Variants in SETBP1 observed in about 807,000 individuals in gnomAD.
SETBP1 encodes SET-binding protein.
SETBP1 carries 9 observed loss-of-function variants against 101.0 expected under a neutral mutation model. That is an observed-to-expected ratio of 0.09 (90% CI 0.05 to 0.16). SETBP1 has a LOEUF of 0.16. Ranked by LOEUF, SETBP1 falls within the 10% of genes least tolerant of loss-of-function variation. The pLI is 1.00. For missense variants in SETBP1, 1,858 were observed against 2,033.8 expected, an observed-to-expected ratio of 0.91 and a Z score of 1.66; for synonymous variants, 818 against 788.5, an observed-to-expected ratio of 1.04 and a Z score of -0.63.
At position 44,782,770 on chromosome 18, in the gene SETBP1, A is replaced by G. The variant is rs75447259; in HGVS notation, c.486+80938A>G. On this transcript the variant is annotated intron_variant, in intron 2 of 5. Transcript: ENST00000649279. ...CAGTCTGGAACTTCCCCCAGCTTGT[A>G]TTCGCGGTGGGCATACACCACTAAC... Among the ~76,000 whole-genome samples, 992 of 152,270 alleles carry G rather than the reference A, an allele frequency of 6.5e-3. 11 individuals are homozygous for G. Among genetic ancestry groups the G allele is most frequent in the African/African-American group, 0.022 (933 of 41,544 alleles).
At chr18:44,990,854 G>T (rs1445273487) in intron 4 of SETBP1, among the ~76,000 whole-genome samples, 1 of 149,542 alleles carries the variant, frequency 6.7e-6, no homozygotes, top group Non-Finnish European at 1.5e-5. Flanking sequence ...ATTAAATTTG[G>T]GTTCTATAAT....
intron 2 of SETBP1, among the ~76,000 whole-genome samples, chr18:44,773,832 C>CTATGTGTGTGTG (rs1205706277): frequency 4.1e-5 from 2 of 48,416 alleles, no homozygotes; most frequent in Admixed American, 4.9e-4. Context: ...CTGTCTCTCT[C>CTATGTGTGTGTG]TGTTTATGTG....
At chr18:44,785,195 G>A (rs1409601122) in intron 2 of SETBP1, among the ~76,000 whole-genome samples, 1 of 152,124 alleles carries the variant, frequency 6.6e-6, no homozygotes, top group African/African-American at 2.4e-5. Flanking sequence ...ACAGTGACAG[G>A]TGACAGGCCA....
chr18:44,783,023 A>T (rs528720400), intron 2 of SETBP1, among the ~76,000 whole-genome samples: 1 of 152,160 alleles, frequency 6.6e-6, no homozygotes, highest in Non-Finnish European at 1.5e-5. Context: ...TGAAGTCTGA[A>T]TATCTAGATT....
intron 4 of SETBP1, among the ~76,000 whole-genome samples, chr18:44,964,229 C>A (rs1317389937): frequency 6.6e-6 from 1 of 152,200 alleles, no homozygotes; most frequent in Non-Finnish European, 1.5e-5. Flanking sequence ...ATTCTAATCA[C>A]AGTTTTAAAA....
chr18:44,966,617 G>A (rs1016446712), intron 4 of SETBP1, among the ~76,000 whole-genome samples: 13 of 152,252 alleles, frequency 8.5e-5, no homozygotes, highest in African/African-American at 3.1e-4. Context: ...ACGATCCTTA[G>A]GATGGTGCTG....
chr18:44,933,901 G>A (rs1384066534), intron 3 of SETBP1, among the ~76,000 whole-genome samples: 1 of 152,138 alleles, frequency 6.6e-6, no homozygotes, highest in Non-Finnish European at 1.5e-5. Context: ...TGCCTCCCAG[G>A]TGAGGCGATG....
chr18:44,927,189 T>C (rs2070724705), intron 3 of SETBP1, among the ~76,000 whole-genome samples: 1 of 152,180 alleles, frequency 6.6e-6, no homozygotes, highest in African/African-American at 2.4e-5. Context: ...CCATGTCTCG[T>C]CTATAGTGCC....
Position 44,838,011 on chromosome 18 carries a change from C to T in SETBP1, c.487-31219C>T, listed in dbSNP as rs566368945. ...TTCTCAGGGCTCGTTCCCACTGTGGCTTGTTTTCTCTTGCTGACCCATGCT... is the reference window on the plus strand; with the variant it reads ...TTCTCAGGGCTCGTTCCCACTGTGGTTTGTTTTCTCTTGCTGACCCATGCT... On this transcript the variant is annotated intron_variant, in intron 2 of 5. Transcript: ENST00000649279. Among the ~76,000 whole-genome samples, 4 of 152,288 alleles carry T rather than the reference C, an allele frequency of 2.6e-5. 1 individual carries two copies. Among genetic ancestry groups the T allele is most frequent in the African/African-American group, 9.6e-5 (4 of 41,566 alleles).
intron 4 of SETBP1, among the ~76,000 whole-genome samples, chr18:45,004,781 A>AT (rs2072690573): frequency 6.6e-6 from 1 of 152,230 alleles, no homozygotes; most frequent in South Asian, 2.1e-4. Flanking sequence ...CTGCTGGACC[A>AT]TGCAGAGTCT....
Position 45,038,592 on chromosome 18 carries a change from G to C in SETBP1, c.4108G>C (p.Val1370Leu). ...GAAGAAGCCAGCCGCAGTTGACAGT[G>C]TTACAATTCCACCAGCCCCAGTGTT... ...TRKKPAAVDS[V>L]TIPPAPVLSL... Residue 1370 changes from valine to leucine, a missense_variant, in exon 5 of 6, where the codon GTT becomes CTT. Val to Leu is a conservative substitution (Grantham distance 32, BLOSUM62 1). Coordinates refer to ENST00000649279, the MANE Select transcript of SETBP1 (RefSeq NM_015559.3). The C allele has an allele frequency of 6.2e-7, 1 of 1,614,194 alleles. No individual in the cohort carries two copies.
intron 2 of SETBP1, among the ~76,000 whole-genome samples, chr18:44,796,386 T>G (rs1268813875): frequency 6.6e-6 from 1 of 152,214 alleles, no homozygotes; most frequent in Non-Finnish European, 1.5e-5. Context: ...TCTAGAATTA[T>G]CTAGTGGTAA....
chr18:44,836,735 C>T (rs931234131), intron 2 of SETBP1, among the ~76,000 whole-genome samples: 2 of 152,146 alleles, frequency 1.3e-5, no homozygotes, highest in African/African-American at 2.4e-5. Context: ...ATGAACTTAC[C>T]GAGGACTGGG....
At chr18:45,033,212 T>C (rs544743897) in intron 4 of SETBP1, among the ~76,000 whole-genome samples, 18 of 152,314 alleles carry the variant, frequency 1.2e-4, no homozygotes, top group African/African-American at 4.1e-4. Flanking sequence ...TTTTTCCTTG[T>C]GAAAAATATG....
chr18:44,776,078 T>C lies in SETBP1; in HGVS notation c.486+74246T>C, dbSNP rs539014381. 4.3e-4 allele frequency among the ~76,000 whole-genome samples: 65 copies of C among 152,340 alleles called. 1 individual carries two copies. The highest frequency in any genetic ancestry group is 1.5e-3 in the African/African-American group (62 of 41,578). ...CCTATGAAGTCCGGAGGTGTGGCTATCTGTGTGTAGCTGCCCTGGCAGGTG... is the reference window on the plus strand; with the variant it reads ...CCTATGAAGTCCGGAGGTGTGGCTACCTGTGTGTAGCTGCCCTGGCAGGTG... On this transcript the variant is annotated intron_variant, in intron 2 of 5. Transcript: ENST00000649279.
At chr18:44,873,842 A>G (rs531197331) in intron 3 of SETBP1, among the ~76,000 whole-genome samples, 1 of 152,350 alleles carries the variant, frequency 6.6e-6, no homozygotes, top group African/African-American at 2.4e-5. Flanking sequence ...GCATAATAAT[A>G]TAATAAACCC....
At chr18:44,697,185 C>G (rs2069032772) in intron 1 of SETBP1, 1 of 152,216 alleles carries the variant, frequency 6.6e-6, no homozygotes, top group Non-Finnish European at 1.5e-5. Context: ...TGCGTGTGCT[C>G]ACACGCGCAT....
At chr18:44,961,483 A>G (rs1281390966) in intron 4 of SETBP1, among the ~76,000 whole-genome samples, 1 of 152,138 alleles carries the variant, frequency 6.6e-6, no homozygotes, top group African/African-American at 2.4e-5. Context: ...AAATGAAAAC[A>G]TTGCTGTGGT....
chr18:44,936,841 G>A (rs917901821), intron 3 of SETBP1, among the ~76,000 whole-genome samples: 7 of 152,128 alleles, frequency 4.6e-5, no homozygotes, highest in Non-Finnish European at 8.8e-5. Flanking sequence ...AGGTAGCCCC[G>A]AGGGAAGCTG....
Sources: gnomAD v4.1 joint callset for allele counts (sites outside exome capture counted in the v4.1 genomes callset) on GRCh38, gnomAD v4.1.1 for gene constraint, MANE v1.5 for transcripts, NCBI Gene and HGNC (gene_info 2026-07-23, HGNC 2026-07-21) for gene names.